The following RPS6KC1 variants were observed in gnomAD, a reference collection of about 807,000 sequenced individuals.
RPS6KC1 encodes inactive ribosomal protein S6 kinase delta-1.
In RPS6KC1, 54 loss-of-function variants were observed where a neutral mutation model predicts 103.8. The observed-to-expected ratio is 0.52, with a 90% confidence interval of 0.42 to 0.65. The LOEUF is 0.65. RPS6KC1 is among the 30% of genes least tolerant of loss of function. The probability of loss-of-function intolerance (pLI) is 0.00; values close to 1 mark genes in which losing one functional copy is unlikely to be tolerated. For synonymous variants in RPS6KC1, 439 were observed against 438.7 expected, an observed-to-expected ratio of 1.00 and a Z score of -0.01; for missense variants, 1,151 against 1,253.8, an observed-to-expected ratio of 0.92 and a Z score of 1.24.
At chr1:213,306,812 A>G in the RPS6KC1 span, among the ~76,000 whole-genome samples, 5 of 152,218 alleles carry the variant, frequency 3.3e-5, no homozygotes, top group Non-Finnish European at 7.3e-5. Context: ...AGTAGGCACT[A>G]TACCAAATGC....
At chr1:213,108,698 G>A (rs968810939) in intron 4 of RPS6KC1, among the ~76,000 whole-genome samples, 1 of 145,038 alleles carries the variant, frequency 6.9e-6, no homozygotes, top group Non-Finnish European at 1.5e-5. Flanking sequence ...TTTTTTCACC[G>A]AGGCTGGGAT....
chr1:213,155,565 G>A (rs113755235), intron 6 of RPS6KC1, among the ~76,000 whole-genome samples: 1 of 152,116 alleles, frequency 6.6e-6, no homozygotes, highest in Non-Finnish European at 1.5e-5. Context: ...CCTCACAGTT[G>A]CTGTGTTCTC....
intron 6 of RPS6KC1, among the ~76,000 whole-genome samples, chr1:213,157,352 G>A (rs569082790): frequency 6.6e-6 from 1 of 151,812 alleles, no homozygotes; most frequent in Admixed American, 6.6e-5. Flanking sequence ...GACTACAAGT[G>A]CCTGCCACCA....
intron 6 of RPS6KC1, among the ~76,000 whole-genome samples, chr1:213,133,212 A>G (rs979488122): frequency 5.9e-5 from 9 of 152,158 alleles, no homozygotes; most frequent in Admixed American, 5.2e-4. Flanking sequence ...AATTTTTGAA[A>G]AGGATGTTGC....
At chr1:213,835,063 T>C in the RPS6KC1 span, among the ~76,000 whole-genome samples, 1 of 152,232 alleles carries the variant, frequency 6.6e-6, no homozygotes, top group African/African-American at 2.4e-5. Context: ...GAGTGCCATT[T>C]ATATTGAGGT....
chr1:213,091,194 A>G (rs756843436), intron 3 of RPS6KC1, among the ~76,000 whole-genome samples: 111 of 152,058 alleles, frequency 7.3e-4, no homozygotes, highest in Admixed American at 2.2e-3. Context: ...AGTAGCTGGG[A>G]CTACAGGTGC....
intron 8 of RPS6KC1, among the ~76,000 whole-genome samples, chr1:213,207,829 A>T (rs11120104): frequency 0.45 from 68,558 of 151,832 alleles, 19,238 homozygotes; most frequent in Non-Finnish European, 0.62. Context: ...GTCCACCTCC[A>T]TGCTGGCTAA....
intron 8 of RPS6KC1, among the ~76,000 whole-genome samples, chr1:213,197,741 G>A (rs943082654): frequency 1.3e-5 from 2 of 152,050 alleles, no homozygotes; most frequent in African/African-American, 2.4e-5. Flanking sequence ...TATATGATCT[G>A]TCTGTTTTGT....
intron 6 of RPS6KC1, among the ~76,000 whole-genome samples, chr1:213,165,066 C>G (rs2090832210): frequency 6.6e-6 from 1 of 151,632 alleles, no homozygotes; most frequent in African/African-American, 2.4e-5. Context: ...TAGAAATATC[C>G]TGGAAATCTA....
At chr1:213,211,459 T>C (rs1438536715) in intron 8 of RPS6KC1, among the ~76,000 whole-genome samples, 1 of 152,232 alleles carries the variant, frequency 6.6e-6, no homozygotes, top group Non-Finnish European at 1.5e-5. Flanking sequence ...TCTAGCTCTT[T>C]AGCAATTCTG....
chr1:213,205,547 G>GATATATAGATATATATATAT, intron 8 of RPS6KC1, among the ~76,000 whole-genome samples: 1 of 102,478 alleles, frequency 9.8e-6, no homozygotes, highest in Middle Eastern at 5.3e-3. Context: ...TATATATATA[G>GATATATAGATATATATATAT]ATATATATAT....
At chr1:213,511,604 T>A in the RPS6KC1 span, among the ~76,000 whole-genome samples, 1 of 152,342 alleles carries the variant, frequency 6.6e-6, no homozygotes, top group African/African-American at 2.4e-5. Flanking sequence ...AAGGCCGGTA[T>A]AATCCAGACC....
At chr1:213,336,479 C>G in the RPS6KC1 span, among the ~76,000 whole-genome samples, 2 of 152,088 alleles carry the variant, frequency 1.3e-5, no homozygotes, top group African/African-American at 2.4e-5. Context: ...AAGGCTTTTT[C>G]CTTGATGATG....
chr1:213,847,585 C>A, the RPS6KC1 span, among the ~76,000 whole-genome samples: 7 of 152,298 alleles, frequency 4.6e-5, no homozygotes, highest in East Asian at 1.4e-3. Context: ...ATCCTTCATG[C>A]ACATCATAGG....
the RPS6KC1 span, among the ~76,000 whole-genome samples, chr1:213,453,142 C>G: frequency 6.6e-6 from 1 of 152,046 alleles, no homozygotes; most frequent in Non-Finnish European, 1.5e-5. Context: ...TCTGGGTATA[C>G]TTCGGTATCT....
the RPS6KC1 span, among the ~76,000 whole-genome samples, chr1:213,773,739 CTT>C: frequency 6.6e-6 from 1 of 152,028 alleles, no homozygotes; most frequent in African/African-American, 2.4e-5. Flanking sequence ...AAGTCTTAGT[CTT>C]TGTGATTAAG....
chr1:213,153,243 GGGGAGA>G (rs374821575), intron 6 of RPS6KC1, among the ~76,000 whole-genome samples: 2,224 of 151,152 alleles, frequency 0.015, 25 homozygotes, highest in African/African-American at 0.035. Flanking sequence ...GGGAGACCGT[GGGGAGA>G]GGGAGAGGGA....
chr1:213,743,130 T>C, the RPS6KC1 span, among the ~76,000 whole-genome samples: 1 of 152,228 alleles, frequency 6.6e-6, no homozygotes, highest in African/African-American at 2.4e-5. Flanking sequence ...AGACATGGAA[T>C]CAGCCTCGGT....
chr1:213,771,243 A>C, the RPS6KC1 span, among the ~76,000 whole-genome samples: 1 of 151,650 alleles, frequency 6.6e-6, no homozygotes, highest in African/African-American at 2.4e-5. Flanking sequence ...TGAGGTCCCG[A>C]GTGGTATCCT....
Sources: allele counts gnomAD v4.1 joint callset (sites outside exome capture counted in the v4.1 genomes callset), GRCh38; gene constraint gnomAD v4.1.1; transcripts MANE v1.5; gene names NCBI Gene and HGNC (gene_info 2026-07-23, HGNC 2026-07-21).